BMP6: variants seen among roughly 807,000 people sequenced by gnomAD.
BMP6 encodes VG-1-R.
A neutral mutation model predicts 54.1 loss-of-function variants in BMP6; 17 were observed. The ratio of observed to expected loss-of-function variants is 0.31; its 90% confidence interval spans 0.22 to 0.47. The LOEUF (loss-of-function observed/expected upper bound fraction) is 0.47. BMP6 is among the 20% of genes least tolerant of loss of function. The pLI is 1.00. For missense variants in BMP6, 720 were observed against 690.4 expected (o/e 1.04, Z -0.48); for synonymous variants, 328 against 291.2 (o/e 1.13, Z -1.28).
intron 1 of BMP6, among the ~76,000 whole-genome samples, chr6:7,813,192 A>C (rs1377692470): frequency 8.4e-6 from 1 of 119,272 alleles, no homozygotes; most frequent in African/African-American, 3.3e-5. Flanking sequence ...TTCATGACAC[A>C]TAATTTGTAT....
rs77117032 is a variant in BMP6, at chr6:7,775,239, C to A, written c.664+47620C>A. 4.1e-3 allele frequency among the ~76,000 whole-genome samples: 629 copies of A among 152,288 alleles called. 11 individuals carry two copies. The highest frequency in any genetic ancestry group is 0.014 in the African/African-American group (592 of 41,562). ...ATTAAGATGAATGTTTGAGATAAGG[C>A]ACAAGGTGTTAACAAAATTGTGGAC... is the stretch of plus-strand genomic sequence containing the variant. On this transcript the variant is annotated intron_variant, in intron 1 of 6. Transcript: ENST00000283147.
chr6:7,847,285 G>A (rs1230495251), intron 2 of BMP6, among the ~76,000 whole-genome samples: 2 of 152,208 alleles, frequency 1.3e-5, no homozygotes, highest in African/African-American at 4.8e-5. Flanking sequence ...TAGGAAAGGG[G>A]AAATTCTGGG....
chr6:7,752,192 A>ATGAGACATGCC (rs1309936958), intron 1 of BMP6, among the ~76,000 whole-genome samples: 1 of 152,228 alleles, frequency 6.6e-6, no homozygotes, highest in African/African-American at 2.4e-5. Context: ...TCAGCTACTC[A>ATGAGACATGCC]ACTCTGTCAT....
At chr6:7,853,756 G>C (rs1026462993) in intron 2 of BMP6, among the ~76,000 whole-genome samples, 2 of 152,162 alleles carry the variant, frequency 1.3e-5, no homozygotes, top group African/African-American at 4.8e-5. Context: ...TGTGGGCCTC[G>C]AGAGGCAAGC....
intron 2 of BMP6, among the ~76,000 whole-genome samples, chr6:7,859,505 G>C (rs1046300783): frequency 2.6e-5 from 4 of 151,968 alleles, no homozygotes; most frequent in Non-Finnish European, 4.4e-5. Context: ...GATGTGTGCC[G>C]TGCTTCCTCT....
intron 1 of BMP6, among the ~76,000 whole-genome samples, chr6:7,796,755 T>C (rs1045424703): frequency 1.3e-5 from 2 of 152,202 alleles, no homozygotes; most frequent in Non-Finnish European, 2.9e-5. Flanking sequence ...TCATAAAATA[T>C]TTACTCTGTA....
intron 1 of BMP6, among the ~76,000 whole-genome samples, chr6:7,816,616 T>A (rs1428006098): frequency 6.6e-6 from 1 of 152,202 alleles, no homozygotes; most frequent in African/African-American, 2.4e-5. Flanking sequence ...GCCCCATCCA[T>A]AATTGCTTTC....
chr6:7,877,832 TC>T (rs1184017824), intron 4 of BMP6, among the ~76,000 whole-genome samples: 1 of 152,204 alleles, frequency 6.6e-6, no homozygotes, highest in Non-Finnish European at 1.5e-5. Context: ...ATGACCTTTC[TC>T]TAAAGCCTTC....
intron 1 of BMP6, among the ~76,000 whole-genome samples, chr6:7,799,088 C>T (rs1003865170): frequency 1.3e-5 from 2 of 152,192 alleles, no homozygotes; most frequent in African/African-American, 4.8e-5. Context: ...CAACATAGAA[C>T]ATGAAAACTT....
intron 1 of BMP6, among the ~76,000 whole-genome samples, chr6:7,730,178 G>A (rs1036959270): frequency 2.6e-5 from 4 of 152,114 alleles, no homozygotes; most frequent in East Asian, 1.9e-4. Context: ...CTGACTTTTC[G>A]TGGGCTACAG....
intron 1 of BMP6, among the ~76,000 whole-genome samples, chr6:7,768,198 C>T (rs917145466): frequency 2.0e-5 from 3 of 152,150 alleles, no homozygotes; most frequent in Non-Finnish European, 4.4e-5. Context: ...CAAACCATTC[C>T]CTTTCCTCTC....
intron 2 of BMP6, among the ~76,000 whole-genome samples, chr6:7,845,772 G>C (rs1191498169): frequency 6.6e-6 from 1 of 152,042 alleles, no homozygotes; most frequent in East Asian, 1.9e-4. Flanking sequence ...ATGTATCTTT[G>C]AGTAAGCTTG....
chr6:7,762,738 G>A (rs1217915026), intron 1 of BMP6, among the ~76,000 whole-genome samples: 5 of 152,152 alleles, frequency 3.3e-5, no homozygotes, highest in South Asian at 2.1e-4. Context: ...GTGTGTCCAC[G>A]CATTTTAAGT....
chr6:7,753,577 A>G (rs1179087259), intron 1 of BMP6, among the ~76,000 whole-genome samples: 2 of 152,190 alleles, frequency 1.3e-5, no homozygotes, highest in South Asian at 2.1e-4. Flanking sequence ...AAGCACCCAT[A>G]TTACAAAGAG....
intron 1 of BMP6, among the ~76,000 whole-genome samples, chr6:7,813,290 T>C (rs1758468077): frequency 6.9e-6 from 1 of 145,200 alleles, no homozygotes; most frequent in South Asian, 2.2e-4. Context: ...TCCAATACTT[T>C]GTGGAATGAC....
Position 7,829,464 on chromosome 6 carries a change from G to A in BMP6, c.665-15676G>A, listed in dbSNP as rs180806242. The stretch of plus-strand genomic sequence containing the variant: ...CACACCTGTAACCCCAGCACTTTGG[G>A]AGGCTGAGTCAGGAGGGTTGCTTGA... On this transcript the variant is annotated intron_variant, in intron 1 of 6. Coordinates refer to ENST00000283147, the MANE Select transcript of BMP6 (RefSeq NM_001718.6). 7.0e-3 allele frequency among the ~76,000 whole-genome samples: 1,059 copies of A among 152,292 alleles called. 2 individuals carry two copies. Among genetic ancestry groups the A allele is most frequent in the Non-Finnish European group, 0.01 (708 of 68,018 alleles).
At chr6:7,730,897 A>C (rs191942516) in intron 1 of BMP6, among the ~76,000 whole-genome samples, 1 of 152,368 alleles carries the variant, frequency 6.6e-6, no homozygotes, top group African/African-American at 2.4e-5. Context: ...TGGAAGTACA[A>C]GGGAAAGTAT....
chr6:7,848,288 C>G (rs1408862710), intron 2 of BMP6, among the ~76,000 whole-genome samples: 1 of 152,202 alleles, frequency 6.6e-6, no homozygotes, highest in Non-Finnish European at 1.5e-5. Flanking sequence ...AATCATGTAA[C>G]TGGGGTTCAC....
At chr6:7,868,153 A>G (rs1759455448) in intron 4 of BMP6, among the ~76,000 whole-genome samples, 1 of 152,202 alleles carries the variant, frequency 6.6e-6, no homozygotes, top group Admixed American at 6.5e-5. Flanking sequence ...TAGAATCAAG[A>G]CAAAGGCTGA....
Sources: gnomAD v4.1 joint callset for allele counts (sites outside exome capture counted in the v4.1 genomes callset) on GRCh38, gnomAD v4.1.1 for gene constraint, MANE v1.5 for transcripts, NCBI Gene and HGNC (gene_info 2026-07-23, HGNC 2026-07-21) for gene names.